KLRG1: variants seen among roughly 807,000 people sequenced by gnomAD.
KLRG1 encodes the protein killer cell lectin-like receptor subfamily G member 1.
KLRG1 carries 16 observed loss-of-function variants against 21.8 expected under a neutral mutation model. That is an observed-to-expected ratio of 0.73 (90% confidence interval 0.50 to 1.11). The LOEUF (loss-of-function observed/expected upper bound fraction) is 1.11, where lower values mean the gene tolerates loss of function less well. KLRG1 is among the 50% of genes most tolerant of loss of function. KLRG1 has a pLI of 0.00. For synonymous variants in KLRG1, 69 were observed against 75.9 expected (o/e 0.91, Z 0.47); for missense variants, 173 against 218.3 (o/e 0.79, Z 1.31).
At chr12:9,167,763 C>T in the KLRG1 span, among the ~76,000 whole-genome samples, 12 of 152,032 alleles carry the variant, frequency 7.9e-5, no homozygotes, top group Admixed American at 5.2e-4. Flanking sequence ...TATTATATGC[C>T]GTCAATTTTC....
At chr12:9,199,947 A>T in the KLRG1 span, among the ~76,000 whole-genome samples, 1 of 152,198 alleles carries the variant, frequency 6.6e-6, no homozygotes, top group Non-Finnish European at 1.5e-5. Context: ...TTATGAGACC[A>T]TTTTTAGGAC....
the KLRG1 span, chr12:9,165,363 A>C: frequency 4.8e-5 from 78 of 1,613,998 alleles, no homozygotes; most frequent in South Asian, 1.9e-4. Context: ...GCCACACCTG[A>C]TGAGCTGGGG....
the KLRG1 span, chr12:9,074,452 C>T: frequency 5.4e-6 from 6 of 1,119,288 alleles, no homozygotes; most frequent in Non-Finnish European, 7.6e-6. Context: ...TTCCTCATTT[C>T]AAGTTACTGT....
the KLRG1 span, among the ~76,000 whole-genome samples, chr12:9,052,672 T>C: frequency 6.6e-6 from 1 of 152,186 alleles, no homozygotes; most frequent in South Asian, 2.1e-4. Flanking sequence ...TGAGAAGTAG[T>C]TAAGGGTATG....
chr12:9,208,431 A>T, the KLRG1 span: 1 of 988,084 alleles, frequency 1.0e-6, no homozygotes, highest in Non-Finnish European at 1.6e-6. Flanking sequence ...TTATGTGGCC[A>T]CTATGTACAA....
the KLRG1 span, chr12:9,163,847 AG>A: frequency 6.4e-7 from 1 of 1,551,702 alleles, no homozygotes; most frequent in East Asian, 2.2e-5. Context: ...ATCACCTTTA[AG>A]GGCTGCACCT....
chr12:9,149,184 T>A, the KLRG1 span, among the ~76,000 whole-genome samples: 2 of 152,204 alleles, frequency 1.3e-5, no homozygotes, highest in African/African-American at 4.8e-5. Flanking sequence ...ATAGCCAATG[T>A]TAATAATAAG....
intron 1 of KLRG1, among the ~76,000 whole-genome samples, chr12:8,967,232 G>A (rs1409043662): frequency 2.0e-5 from 3 of 151,128 alleles, no homozygotes; most frequent in Non-Finnish European, 1.5e-5. Context: ...TATACCTAAT[G>A]CTAAATGACG....
chr12:9,163,754 G>A, the KLRG1 span: 1 of 1,613,620 alleles, frequency 6.2e-7, no homozygotes. Context: ...TCTAAGGACT[G>A]CATTGCCTCT....
the KLRG1 span, chr12:9,107,567 T>G: frequency 6.2e-7 from 1 of 1,614,014 alleles, no homozygotes; most frequent in Admixed American, 1.7e-5. Flanking sequence ...ATCTTCACCG[T>G]GGCAGTCGGA....
chr12:8,985,680 A>G (rs1946832276), upstream of KLRG1, among the ~76,000 whole-genome samples: 1 of 152,208 alleles, frequency 6.6e-6, no homozygotes, highest in Non-Finnish European at 1.5e-5. Flanking sequence ...TATATTACAA[A>G]AGATACAGAT....
chr12:9,177,105 G>A, the KLRG1 span, among the ~76,000 whole-genome samples: 1 of 152,166 alleles, frequency 6.6e-6, no homozygotes, highest in Non-Finnish European at 1.5e-5. Context: ...ATTCATGCCC[G>A]AACATTGTTC....
chr12:9,082,224 C>G, the KLRG1 span, among the ~76,000 whole-genome samples: 1 of 152,200 alleles, frequency 6.6e-6, no homozygotes, highest in Non-Finnish European at 1.5e-5. Context: ...GTATTTATTT[C>G]TGCCCATCCC....
intron 3 of KLRG1, among the ~76,000 whole-genome samples, chr12:9,000,778 G>T (rs12304948): frequency 5.9e-5 from 9 of 152,122 alleles, no homozygotes; most frequent in Non-Finnish European, 1.3e-4. Flanking sequence ...GGATACCTGG[G>T]ATGCTTCAAC....
At chr12:9,133,278 T>C in the KLRG1 span, among the ~76,000 whole-genome samples, 1 of 152,222 alleles carries the variant, frequency 6.6e-6, no homozygotes, top group African/African-American at 2.4e-5. Context: ...AGGCTGACAA[T>C]GAGCCAAGCT....
At chr12:9,094,347 A>G in the KLRG1 span, among the ~76,000 whole-genome samples, 1 of 133,496 alleles carries the variant, frequency 7.5e-6, no homozygotes, top group Non-Finnish European at 1.6e-5. Flanking sequence ...GTGCATATAT[A>G]TATATATATA....
chr12:9,095,586 T>G, the KLRG1 span: 2 of 1,612,046 alleles, frequency 1.2e-6, no homozygotes, highest in Non-Finnish European at 1.7e-6. Flanking sequence ...GATACTGGAG[T>G]ATATGTGATT....
chr12:9,153,030 G>A, the KLRG1 span: 24 of 1,606,274 alleles, frequency 1.5e-5, no homozygotes, highest in Non-Finnish European at 2.0e-5. Context: ...GTCTCCAGAG[G>A]TGCCTTTTAC....
chr12:8,964,957 T>A (rs549445964), intron 1 of KLRG1, among the ~76,000 whole-genome samples: 2 of 152,134 alleles, frequency 1.3e-5, no homozygotes, highest in Non-Finnish European at 2.9e-5. Context: ...GTTTCCGGAA[T>A]ACAGCACACT....
Sources: gnomAD v4.1 joint callset for allele counts (sites outside exome capture counted in the v4.1 genomes callset) on GRCh38, gnomAD v4.1.1 for gene constraint, MANE v1.5 for transcripts, NCBI Gene and HGNC (gene_info 2026-07-23, HGNC 2026-07-21) for gene names.